CHRM3: variants seen among roughly 807,000 people sequenced by gnomAD.
CHRM3 encodes muscarinic acetylcholine receptor M3.
A neutral mutation model predicts 41.8 loss-of-function variants in CHRM3; 11 were observed. The ratio of observed to expected loss-of-function variants is 0.26; its 90% CI spans 0.17 to 0.44. CHRM3 has a LOEUF of 0.44. Ranked by LOEUF, CHRM3 falls within the 20% of genes least tolerant of loss-of-function variation. The probability of loss-of-function intolerance (pLI) is 1.00; values close to 1 mark genes in which losing one functional copy is unlikely to be tolerated. For missense variants in CHRM3, 571 were observed against 745.4 expected, an observed-to-expected ratio of 0.77 and a Z score of 2.72; for synonymous variants, 297 against 301.4, an observed-to-expected ratio of 0.99 and a Z score of 0.15.
chr1:239,724,446 C>T (rs149835316), intron 5 of CHRM3, among the ~76,000 whole-genome samples: 5 of 151,960 alleles, frequency 3.3e-5, no homozygotes, highest in Middle Eastern at 3.4e-3. Flanking sequence ...TTAATAAATC[C>T]AGGCTTTGCC....
chr1:239,845,932 T>C (rs1410534259), intron 6 of CHRM3, among the ~76,000 whole-genome samples: 1 of 152,230 alleles, frequency 6.6e-6, no homozygotes, highest in Non-Finnish European at 1.5e-5. Flanking sequence ...TTAGTATTGA[T>C]TTTATAAAAT....
chr1:239,875,787 T>C (rs1677062961), intron 6 of CHRM3, among the ~76,000 whole-genome samples: 1 of 152,218 alleles, frequency 6.6e-6, no homozygotes, highest in South Asian at 2.1e-4. Flanking sequence ...GTGAGAGTTA[T>C]TGTTTTTCTG....
chr1:239,790,997 T>C (rs1421150378), intron 5 of CHRM3, among the ~76,000 whole-genome samples: 1 of 151,234 alleles, frequency 6.6e-6, no homozygotes, highest in Non-Finnish European at 1.5e-5. Flanking sequence ...TGTTTTTTTC[T>C]GGTAAAATAT....
intron 5 of CHRM3, among the ~76,000 whole-genome samples, chr1:239,803,185 C>T (rs759929525): frequency 7.9e-5 from 12 of 152,236 alleles, no homozygotes; most frequent in Admixed American, 3.9e-4. Context: ...AGGAAACATT[C>T]GCGTGTCTTA....
chr1:239,459,180 C>G (rs1461786712), intron 1 of CHRM3, among the ~76,000 whole-genome samples: 2 of 152,016 alleles, frequency 1.3e-5, no homozygotes, highest in Non-Finnish European at 2.9e-5. Context: ...GAAGTTTAAC[C>G]ATCATCTTGA....
At chr1:239,884,607 C>G (rs1180842057) in intron 6 of CHRM3, among the ~76,000 whole-genome samples, 1 of 152,160 alleles carries the variant, frequency 6.6e-6, no homozygotes, top group Admixed American at 6.5e-5. Context: ...TTTTTTGAGA[C>G]TGATTTGGTT....
At chr1:239,581,228 A>G (rs920390964) in intron 3 of CHRM3, among the ~76,000 whole-genome samples, 1 of 152,138 alleles carries the variant, frequency 6.6e-6, no homozygotes, top group Non-Finnish European at 1.5e-5. Flanking sequence ...AGGACTTATT[A>G]TAGATTTATC....
At chr1:239,643,784 G>A (rs576213689) in intron 4 of CHRM3, among the ~76,000 whole-genome samples, 499 of 152,248 alleles carry the variant, frequency 3.3e-3, no homozygotes, top group African/African-American at 0.011. Context: ...ACTGTCCTGC[G>A]CCCACTGTCT....
intron 4 of CHRM3, among the ~76,000 whole-genome samples, chr1:239,674,935 C>T (rs1657836921): frequency 1.3e-5 from 2 of 152,110 alleles, no homozygotes; most frequent in Admixed American, 1.3e-4. Flanking sequence ...GAAATTATTA[C>T]TCCTCCTCGC....
chr1:239,837,269 G>T lies in CHRM3; in HGVS notation c.-20+9891G>T, dbSNP rs189388628. On this transcript the variant is annotated intron_variant, in intron 6 of 6. Transcript: ENST00000676153. ...TTAGAGCCAATAAAGTGATACATCT[G>T]ACACATCCTTAATGATAGATCAAGA... Among the ~76,000 whole-genome samples the T allele has an allele frequency of 1.4e-4, 22 of 152,248 alleles. No homozygotes were observed. In the East Asian group the frequency reaches 3.7e-3, roughly 25 times the overall value.
intron 4 of CHRM3, among the ~76,000 whole-genome samples, chr1:239,643,602 CT>C (rs1300424013): frequency 1.3e-5 from 2 of 152,168 alleles, no homozygotes; most frequent in African/African-American, 2.4e-5. Context: ...CTGCTGTGCC[CT>C]TTTTTAAACC....
chr1:239,462,882 C>T (rs1269850865), intron 1 of CHRM3, among the ~76,000 whole-genome samples: 3 of 152,148 alleles, frequency 2.0e-5, no homozygotes, highest in East Asian at 1.9e-4. Flanking sequence ...GAATCAATTT[C>T]GGACATTTGT....
chr1:239,405,287 C>G (rs1558197039), intron 1 of CHRM3, among the ~76,000 whole-genome samples: 1 of 152,154 alleles, frequency 6.6e-6, no homozygotes, highest in Admixed American at 6.5e-5. Flanking sequence ...CTATTTCCAA[C>G]CATTCCACTG....
chr1:239,861,441 G>A (rs547055587), intron 6 of CHRM3, among the ~76,000 whole-genome samples: 3 of 152,012 alleles, frequency 2.0e-5, no homozygotes, highest in Non-Finnish European at 4.4e-5. Flanking sequence ...ACAAGCAGAC[G>A]ATATGGTAAA....
Position 239,908,274 on chromosome 1 carries a change from G to A in CHRM3, c.823G>A (p.Ala275Thr). 6.2e-7 allele frequency: 1 copy of A among 1,614,148 alleles called. No homozygotes were observed. Among genetic ancestry groups the A allele is most frequent in the Non-Finnish European group, 8.5e-7 (1 of 1,180,016 alleles). ...TGGCCTGCAAGCCTCTGGGACAGAG[G>A]CAGAGACAGAAAACTTTGTCCACCC... ...LAGLQASGTE[A>T]ETENFVHPTG... Residue 275 changes from alanine (A) to threonine (T), a missense_variant, in exon 7 of 7, where the codon GCA becomes ACA. Coordinates refer to ENST00000676153, the MANE Select transcript of CHRM3 (RefSeq NM_001375978.1). This position sits in a 1 kb window ranked among gnomAD's most constrained non-coding sequence, Gnocchi z 7.2.
intron 6 of CHRM3, among the ~76,000 whole-genome samples, chr1:239,851,635 C>T (rs148147376): frequency 4.3e-4 from 65 of 152,254 alleles, no homozygotes; most frequent in South Asian, 1.5e-3. Flanking sequence ...TAAATAGCAA[C>T]ATCTGACACC....
At chr1:239,662,074 C>G (rs1454981623) in intron 4 of CHRM3, among the ~76,000 whole-genome samples, 4 of 149,500 alleles carry the variant, frequency 2.7e-5, no homozygotes, top group Non-Finnish European at 5.9e-5. Flanking sequence ...AGGATAAAAA[C>G]TGTTTAAGGA....
At chr1:239,483,450 G>A (rs572684762) in intron 1 of CHRM3, among the ~76,000 whole-genome samples, 1 of 152,208 alleles carries the variant, frequency 6.6e-6, no homozygotes, top group Non-Finnish European at 1.5e-5. Context: ...TCCCTATAAG[G>A]TTGAGCTCAA....
At chr1:239,474,772 C>G (rs1666357169) in intron 1 of CHRM3, among the ~76,000 whole-genome samples, 1 of 152,036 alleles carries the variant, frequency 6.6e-6, no homozygotes, top group African/African-American at 2.4e-5. Flanking sequence ...CTACTGCATA[C>G]AAAGAACCTA....
Sources: gnomAD v4.1 joint callset for allele counts (sites outside exome capture counted in the v4.1 genomes callset) on GRCh38, gnomAD v4.1.1 for gene constraint, Gnocchi (gnomAD v3.1) non-coding constraint, MANE v1.5 for transcripts, NCBI Gene and HGNC (gene_info 2026-07-23, HGNC 2026-07-21) for gene names.